ADAMTS3: variants seen among roughly 807,000 people sequenced by gnomAD.
ADAMTS3 encodes ADAM metallopeptidase with thrombospondin type 1 motif 3, also known as A disintegrin and metalloproteinase with thrombospondin motifs 3.
Under a neutral mutation model 129.0 loss-of-function variants are expected in ADAMTS3, and 73 were observed. The observed-to-expected ratio is 0.57, with a 90% CI of 0.47 to 0.69. The LOEUF is 0.69. Among genes scored for constraint, ADAMTS3 ranks in the 30% least tolerant of loss-of-function variants. ADAMTS3 has a pLI of 0.00. For missense variants in ADAMTS3, 1,457 were observed against 1,514.5 expected (o/e 0.96, Z 0.63); for synonymous variants, 477 against 510.8 (o/e 0.93, Z 0.89).
At chr4:72,446,784 T>A (rs1718263701) in intron 3 of ADAMTS3, among the ~76,000 whole-genome samples, 1 of 151,708 alleles carries the variant, frequency 6.6e-6, no homozygotes, top group Non-Finnish European at 1.5e-5. Context: ...CCAGAGAATA[T>A]ACTCTTTGGA....
At chr4:72,386,454 A>C (rs1002181147) in intron 4 of ADAMTS3, among the ~76,000 whole-genome samples, 1 of 151,908 alleles carries the variant, frequency 6.6e-6, no homozygotes, top group Non-Finnish European at 1.5e-5. Flanking sequence ...CAAAGCAAGG[A>C]ATCTGTGTTC....
chr4:72,419,668 T>C (rs1439892825), intron 3 of ADAMTS3, among the ~76,000 whole-genome samples: 1 of 152,154 alleles, frequency 6.6e-6, no homozygotes, highest in South Asian at 2.1e-4. Flanking sequence ...ATTTTATGTG[T>C]GGCCCCAGAC....
rs545518789 is a variant in ADAMTS3 at position 72,284,115 on chromosome 4, C to T, written c.3050-411G>A. ...TTCTCAGAGGGTACTCCCTACATTA[C>T]GTTAAAATGTGAAATCAAAATAAAT... On this transcript the variant is annotated intron_variant, in intron 21 of 21. Coordinates refer to ENST00000286657, the MANE Select transcript of ADAMTS3 (RefSeq NM_014243.3). Among the ~76,000 whole-genome samples the T allele has an allele frequency of 7.8e-4, 118 of 152,100 alleles. 1 individual carries two copies. Among genetic ancestry groups the T allele is most frequent in the African/African-American group, 2.7e-3 (111 of 41,500 alleles).
intron 20 of ADAMTS3, among the ~76,000 whole-genome samples, chr4:72,290,373 T>C (rs1718624679): frequency 6.6e-6 from 1 of 152,090 alleles, no homozygotes; most frequent in Non-Finnish European, 1.5e-5. Flanking sequence ...AGATGAGGTT[T>C]GGTGGAGAAG....
At position 72,319,325 on chromosome 4, in the gene ADAMTS3, G is replaced by A; in HGVS notation, c.1352+7C>T. The A allele has an allele frequency of 1.2e-6, 2 of 1,613,778 alleles. No homozygotes were observed. Among genetic ancestry groups the A allele is most frequent in the Non-Finnish European group, 1.7e-6 (2 of 1,179,854 alleles). On this transcript the variant is annotated splice_region_variant and intron_variant, in intron 9 of 21. Transcript: ENST00000286657. Reference sequence around the variant, plus strand: ...AATACTTTCATGACATGCAGCAGGGGACATACTGGATATATCTTTTCAGTT... The same window carrying A: ...AATACTTTCATGACATGCAGCAGGGAACATACTGGATATATCTTTTCAGTT...
At position 72,319,967 on chromosome 4, in the gene ADAMTS3, T is replaced by C. The variant is rs1719511507; in HGVS notation, c.1103-4A>G. ...ATGCCGGTGACTGGAGCATATCCTG[T>C]AGAGAATAACAATTACTTTTATTTT... On this transcript the variant is annotated splice_polypyrimidine_tract_variant and splice_region_variant and intron_variant, in intron 7 of 21. Transcript: ENST00000286657. 5 of 1,605,634 alleles carry C rather than the reference T, an allele frequency of 3.1e-6. No homozygotes were observed. Among genetic ancestry groups the C allele is most frequent in the Non-Finnish European group, 4.3e-6 (5 of 1,172,536 alleles).
In ADAMTS3 at chr4:72,506,829, T is replaced by C. The variant is rs986624537; in HGVS notation, c.504+41649A>G. Among the ~76,000 whole-genome samples, 4 of 152,186 alleles carry C rather than the reference T, an allele frequency of 2.6e-5. No homozygotes were observed. The South Asian group carries it at 8.3e-4, about 31-fold the overall frequency. ...GTCATGTGGCTGTTTGCCCACATTTTCCCCCACCAGGATCTGGGATGTCCT... is the reference window on the plus strand; with the variant it reads ...GTCATGTGGCTGTTTGCCCACATTTCCCCCCACCAGGATCTGGGATGTCCT... On this transcript the variant is annotated intron_variant, in intron 3 of 21. Coordinates refer to ENST00000286657, the MANE Select transcript of ADAMTS3 (RefSeq NM_014243.3).
chr4:72,485,548 A>G (rs367948554), intron 3 of ADAMTS3, among the ~76,000 whole-genome samples: 1 of 152,136 alleles, frequency 6.6e-6, no homozygotes, highest in African/African-American at 2.4e-5. Context: ...TATGTTCACA[A>G]TAAAATCATT....
chr4:72,543,366 T>A (rs148627339), intron 3 of ADAMTS3, among the ~76,000 whole-genome samples: 423 of 152,254 alleles, frequency 2.8e-3, no homozygotes, highest in African/African-American at 7.3e-3. Context: ...CTTCAGGGGA[T>A]AAATTCAAGT....
intron 3 of ADAMTS3, among the ~76,000 whole-genome samples, chr4:72,426,478 T>C (rs1030098639): frequency 6.6e-6 from 1 of 152,158 alleles, no homozygotes; most frequent in African/African-American, 2.4e-5. Flanking sequence ...CAAACTATAA[T>C]CTCACTCATC....
At chr4:72,505,363 T>C (rs1030750099) in intron 3 of ADAMTS3, among the ~76,000 whole-genome samples, 4 of 152,188 alleles carry the variant, frequency 2.6e-5, no homozygotes, top group African/African-American at 7.2e-5. Flanking sequence ...TGCACTTCTG[T>C]TGGTAGATTT....
intron 3 of ADAMTS3, among the ~76,000 whole-genome samples, chr4:72,517,779 A>G (rs1198118251): frequency 3.1e-3 from 437 of 141,826 alleles, no homozygotes; most frequent in Admixed American, 4.4e-3. Flanking sequence ...GATCCTTTCA[A>G]AAAACCAGCT....
chr4:72,469,332 T>C (rs938115522), intron 3 of ADAMTS3, among the ~76,000 whole-genome samples: 1 of 152,066 alleles, frequency 6.6e-6, no homozygotes, highest in Non-Finnish European at 1.5e-5. Context: ...AGAATTCAAA[T>C]GGTTTGAATT....
chr4:72,444,894 T>G (rs1718212357), intron 3 of ADAMTS3, among the ~76,000 whole-genome samples: 1 of 151,736 alleles, frequency 6.6e-6, no homozygotes, highest in African/African-American at 2.4e-5. Flanking sequence ...TGATGCATGC[T>G]ACGACATGGA....
At chr4:72,372,049 T>A (rs72863723) in intron 4 of ADAMTS3, among the ~76,000 whole-genome samples, 3,760 of 152,216 alleles carry the variant, frequency 0.025, 158 homozygotes, top group African/African-American at 0.086. Flanking sequence ...AACATCACAG[T>A]GGAAATTAGG....
chr4:72,532,493 A>G (rs1053717962), intron 3 of ADAMTS3, among the ~76,000 whole-genome samples: 13 of 48,630 alleles, frequency 2.7e-4, no homozygotes, highest in East Asian at 7.3e-4. Flanking sequence ...TTTAATATGC[A>G]CACACACACA....
intron 3 of ADAMTS3, among the ~76,000 whole-genome samples, chr4:72,504,291 T>C (rs550815421): frequency 6.6e-6 from 1 of 152,248 alleles, no homozygotes; most frequent in South Asian, 2.1e-4. Context: ...GGTACTTGCT[T>C]GTCTGAAAAA....
At chr4:72,446,517 C>T (rs543310908) in intron 3 of ADAMTS3, among the ~76,000 whole-genome samples, 34 of 151,580 alleles carry the variant, frequency 2.2e-4, no homozygotes, top group African/African-American at 8.0e-4. Flanking sequence ...AAGAAAACAG[C>T]GATCACACTG....
At chr4:72,540,487 G>A (rs995218328) in intron 3 of ADAMTS3, among the ~76,000 whole-genome samples, 2 of 152,192 alleles carry the variant, frequency 1.3e-5, no homozygotes. Flanking sequence ...ATTCAAGCTC[G>A]CTGCAGAAAT....
Sources: allele counts gnomAD v4.1 joint callset (sites outside exome capture counted in the v4.1 genomes callset), GRCh38; gene constraint gnomAD v4.1.1; transcripts MANE v1.5; gene names NCBI Gene and HGNC (gene_info 2026-07-23, HGNC 2026-07-21).